GOLGA5: variants seen among roughly 807,000 people sequenced by gnomAD.
GOLGA5 encodes golgin subfamily A member 5.
GOLGA5 carries 50 observed loss-of-function variants against 93.5 expected under a neutral mutation model. The observed-to-expected ratio is 0.53, with a 90% CI of 0.43 to 0.68. The LOEUF (loss-of-function observed/expected upper bound fraction) is 0.68, where lower values mean the gene tolerates loss of function less well. Among genes scored for constraint, GOLGA5 ranks in the 30% least tolerant of loss-of-function variants. GOLGA5 has a pLI of 0.00. For synonymous variants in GOLGA5, 312 were observed against 304.5 expected, an observed-to-expected ratio of 1.02 and a Z score of -0.26; for missense variants, 760 against 856.4, an observed-to-expected ratio of 0.89 and a Z score of 1.40.
intron 2 of GOLGA5, among the ~76,000 whole-genome samples, chr14:92,803,651 G>T (rs1426146232): frequency 1.3e-5 from 2 of 152,104 alleles, no homozygotes; most frequent in Non-Finnish European, 2.9e-5. Context: ...ATTTTGAGGG[G>T]TTATACTTAT....
intron 8 of GOLGA5, 75 bp from the exon 9 acceptor site, chr14:92,824,471 G>T: frequency 1.4e-6 from 1 of 713,244 alleles, no homozygotes; most frequent in South Asian, 1.7e-5. Context: ...CATGTGCCAG[G>T]CACTGATTTA....
chr14:92,801,440 A>C lies in GOLGA5; in HGVS notation c.544+3459A>C, dbSNP rs185440388. 5.8e-4 allele frequency among the ~76,000 whole-genome samples: 88 copies of C among 152,188 alleles called. 1 individual carries two copies. The highest frequency in any genetic ancestry group is 1.9e-3 in the African/African-American group (77 of 41,548). ...TGACTATTGAACTTTCATTTTCTGG[A>C]AGTGTCAAGTCTTTTTTATCAACTT... On this transcript the variant is annotated intron_variant, in intron 2 of 12. Transcript: ENST00000163416.
chr14:92,818,518 TGTA>T (rs753136593), intron 7 of GOLGA5, among the ~76,000 whole-genome samples: 52 of 152,224 alleles, frequency 3.4e-4, no homozygotes, highest in Admixed American at 8.5e-4. Flanking sequence ...ATTTGCCCGA[TGTA>T]GTCAAATTGA....
At position 92,816,306 on chromosome 14, in the gene GOLGA5, A is replaced by G. The variant is rs1162348055; in HGVS notation, c.1376A>G (p.Asp459Gly). Residue 459 changes from aspartate (D) to glycine (G), a missense_variant, in exon 7 of 13, where the codon GAT becomes GGT. Transcript: ENST00000163416. The stretch of plus-strand genomic sequence containing the variant: ...GAAGGCTCTGGTTTTGAAGGCCTAG[A>G]TAGCAGCACTGCCAGTAGCATGGAG... ...LKEGSGFEGLDSSTASSMELE... is the reference protein window; with the variant it reads ...LKEGSGFEGLGSSTASSMELE... The G allele has an allele frequency of 4.3e-6, 7 of 1,613,870 alleles. No homozygotes were observed. Among genetic ancestry groups the G allele is most frequent in the African/African-American group, 1.3e-5 (1 of 74,930 alleles).
At chr14:92,802,134 C>G (rs1453672497) in intron 2 of GOLGA5, among the ~76,000 whole-genome samples, 1 of 152,130 alleles carries the variant, frequency 6.6e-6, no homozygotes, top group African/African-American at 2.4e-5. Flanking sequence ...AGCACTTTTG[C>G]TATACTGAGT....
chr14:92,806,633 G>A (rs1023022486), intron 2 of GOLGA5, 103 bp from the exon 3 acceptor site: 2 of 772,290 alleles, frequency 2.6e-6, no homozygotes, highest in African/African-American at 3.4e-5. Flanking sequence ...TTTTTATGGT[G>A]TTTTAGCTGT....
chr14:92,836,793 G>A (rs1434513835), intron 11 of GOLGA5, among the ~76,000 whole-genome samples: 1 of 152,104 alleles, frequency 6.6e-6, no homozygotes, highest in South Asian at 2.1e-4. Context: ...GCCGGGCACG[G>A]TGGCTCACAC....
chr14:92,817,117 T>C (rs573816942), intron 7 of GOLGA5, among the ~76,000 whole-genome samples: 1 of 151,918 alleles, frequency 6.6e-6, no homozygotes, highest in Non-Finnish European at 1.5e-5. Context: ...ATTTTTGTAT[T>C]CTTAGTAGAG....
rs762931346 is a variant in GOLGA5, at chr14:92,806,825, A to G, written c.634A>G (p.Thr212Ala). 14 of 1,613,242 alleles carry G rather than the reference A, an allele frequency of 8.7e-6. No individual in the cohort carries two copies. The highest frequency in any genetic ancestry group is 1.2e-5 in the Non-Finnish European group (14 of 1,179,208). Residue 212 changes from threonine to alanine, a missense_variant, in exon 3 of 13, where the codon ACC becomes GCC. Physicochemically the swap from Thr to Ala is moderately conservative, Grantham distance 58. Transcript: ENST00000163416. Reference sequence around the variant, plus strand: ...ATCAAATGCTGCCTGCCCTGACCACACCCCAACACCTAATGATGATGGCAA... The same window carrying G: ...ATCAAATGCTGCCTGCCCTGACCACGCCCCAACACCTAATGATGATGGCAA... Reference protein sequence around the residue: ...VSSNAACPDHTPTPNDDGKSH... With the variant: ...VSSNAACPDHAPTPNDDGKSH...
intron 6 of GOLGA5, among the ~76,000 whole-genome samples, chr14:92,814,690 A>G (rs1049852487): frequency 6.6e-6 from 1 of 152,218 alleles, no homozygotes; most frequent in African/African-American, 2.4e-5. Flanking sequence ...AAAAGGAAAA[A>G]TTATTTTTGA....
intron 8 of GOLGA5, 107 bp downstream of exon 8, chr14:92,819,943 G>T: frequency 9.3e-7 from 1 of 1,078,674 alleles, no homozygotes; most frequent in Non-Finnish European, 1.3e-6. Context: ...TGGGCTTAGG[G>T]TTACCCCACA....
At chr14:92,800,387 G>A (rs1884842851) in intron 2 of GOLGA5, among the ~76,000 whole-genome samples, 1 of 152,238 alleles carries the variant, frequency 6.6e-6, no homozygotes, top group South Asian at 2.1e-4. Context: ...AGCATTCCAT[G>A]CAGAGAGAAC....
chr14:92,809,089 C>T (rs1217150949), intron 3 of GOLGA5, among the ~76,000 whole-genome samples: 2 of 152,158 alleles, frequency 1.3e-5, no homozygotes, highest in African/African-American at 4.8e-5. Flanking sequence ...GCTAGCTTCA[C>T]GCCCCTTTCT....
rs370188399 is a variant in GOLGA5 at position 92,811,725 on chromosome 14, T to C, written c.1291T>C (p.Tyr431His). Residue 431 changes from tyrosine to histidine, a missense_variant, in exon 6 of 13, where the codon TAC becomes CAC. By Grantham distance (83) the Tyr-to-His change is moderately conservative. Coordinates refer to ENST00000163416, the MANE Select transcript of GOLGA5 (RefSeq NM_005113.4). ...GTCCTCTAAGCAGGAATTAATTGAC[T>C]ACAAGCAAAAAGCTACTAGAATACT... is the stretch of plus-strand genomic sequence containing the variant. ...LESSKQELIDYKQKATRILQS... is the reference protein window; with the variant it reads ...LESSKQELIDHKQKATRILQS... The C allele has an allele frequency of 6.8e-5, 110 of 1,612,180 alleles. No individual in the cohort carries two copies. The highest frequency in any genetic ancestry group is 1.3e-4 in the Admixed American group (8 of 59,856).
In GOLGA5 at chr14:92,819,239, C is replaced by T. The variant is rs557264634; in HGVS notation, c.1492-469C>T. 2.0e-5 allele frequency among the ~76,000 whole-genome samples: 3 copies of T among 152,278 alleles called. No homozygotes were observed. In the East Asian group the frequency reaches 5.8e-4, roughly 29 times the overall value. ...CAGCTGTAGCGCCCCATTCATTCTG[C>T]TGTTAGCCATAGTAGACAATGAAGG... On this transcript the variant is annotated intron_variant, in intron 7 of 12. Transcript: ENST00000163416.
intron 10 of GOLGA5, 114 bp downstream of exon 10, chr14:92,833,461 T>C: frequency 1.4e-6 from 1 of 738,194 alleles, no homozygotes; most frequent in East Asian, 2.6e-5. Context: ...CTCAATTTTC[T>C]GATATGAGAC....
chr14:92,817,698 T>A (rs936953741), intron 7 of GOLGA5, among the ~76,000 whole-genome samples: 1 of 152,174 alleles, frequency 6.6e-6, no homozygotes, highest in Non-Finnish European at 1.5e-5. Flanking sequence ...ACTCTGCACA[T>A]TGTGAGACTT....
chr14:92,815,757 G>C (rs968089909), intron 6 of GOLGA5, among the ~76,000 whole-genome samples: 1 of 145,030 alleles, frequency 6.9e-6, no homozygotes, highest in Non-Finnish European at 1.5e-5. Context: ...AGGCTGGAGT[G>C]CGGTGGCGCG....
chr14:92,810,143 G>A, intron 4 of GOLGA5, 111 bp from the exon 5 acceptor site: 1 of 710,252 alleles, frequency 1.4e-6, no homozygotes, highest in South Asian at 1.9e-5. Context: ...GAATATTTCA[G>A]TCAAATTATC....
Sources: allele counts gnomAD v4.1 joint callset (sites outside exome capture counted in the v4.1 genomes callset), GRCh38; gene constraint gnomAD v4.1.1; transcripts MANE v1.5; gene names NCBI Gene and HGNC (gene_info 2026-07-23, HGNC 2026-07-21).